The following RADIL variants were observed in gnomAD, a reference collection of about 807,000 sequenced individuals.
The protein encoded by RADIL is Rap associating with DIL domain, also known as ras-associating and dilute domain-containing protein.
Under a neutral mutation model 97.6 loss-of-function variants are expected in RADIL, and 99 were observed. The observed-to-expected ratio is 1.01, with a 90% CI of 0.86 to 1.20. The LOEUF (loss-of-function observed/expected upper bound fraction) is 1.20, where lower values mean the gene tolerates loss of function less well. RADIL is among the 50% of genes most tolerant of loss of function. RADIL has a pLI of 0.00. For missense variants in RADIL, 1,765 were observed against 1,498.9 expected, an observed-to-expected ratio of 1.18 and a Z score of -2.93; for synonymous variants, 803 against 691.8, an observed-to-expected ratio of 1.16 and a Z score of -2.52.
intron 2 of RADIL, chr7:4,858,641 T>G (rs56259867): frequency 6.6e-6 from 1 of 152,582 alleles, no homozygotes. Flanking sequence ...TAAGGAGGTA[T>G]TCTGTGGAAT....
intron 2 of RADIL, among the ~76,000 whole-genome samples, chr7:4,848,493 CAG>C (rs1783630888): frequency 6.6e-6 from 1 of 151,650 alleles, no homozygotes; most frequent in South Asian, 2.1e-4. Context: ...GGGAAGACAA[CAG>C]AGTGTTAAGG....
intron 2 of RADIL, chr7:4,838,107 G>C: frequency 1.0e-6 from 1 of 960,408 alleles, no homozygotes; most frequent in African/African-American, 1.8e-5. Context: ...GCCGCAGTGC[G>C]AGGCTGCTGG....
chr7:4,862,345 A>C (rs1030771043), intron 2 of RADIL, among the ~76,000 whole-genome samples: 4 of 151,944 alleles, frequency 2.6e-5, no homozygotes, highest in Non-Finnish European at 5.9e-5. Flanking sequence ...CGTGGTGGGA[A>C]CCCGCGGTGG....
chr7:4,800,307 T>A lies in RADIL; in HGVS notation c.2846A>T (p.Asp949Val), dbSNP rs768192157. The A allele has an allele frequency of 3.4e-6, 5 of 1,450,324 alleles. No homozygotes were observed. The highest frequency in any genetic ancestry group is 4.5e-6 in the Non-Finnish European group (5 of 1,101,940). The allele number at this position is 1,450,324 out of a possible 1,614,324, so 89.8% of individuals were successfully genotyped here. Residue 949 changes from aspartate to valine, a missense_variant, in exon 13 of 15, where the codon GAC becomes GTC. Coordinates refer to ENST00000399583, the MANE Select transcript of RADIL (RefSeq NM_018059.5). The part of the protein sequence containing the change: ...SGLRGAAPEG[D>V]SAALAEESPP... ...GGACTCCTCCGCAAGGGCTGCAGAGTCTCCTGGGTGGGGGCCAGGAAAGGT... is the reference window on the plus strand; with the variant it reads ...GGACTCCTCCGCAAGGGCTGCAGAGACTCCTGGGTGGGGGCCAGGAAAGGT...
intron 12 of RADIL, among the ~76,000 whole-genome samples, 166 bp from the exon 13 acceptor site, chr7:4,800,476 T>C (rs747271786): frequency 1.3e-5 from 2 of 152,010 alleles, no homozygotes; most frequent in Non-Finnish European, 2.9e-5. Context: ...ACCCAGACAT[T>C]AGGGTCGGGG....
At chr7:4,861,948 C>A in intron 2 of RADIL, 1 of 487,088 alleles carries the variant, frequency 2.1e-6, no homozygotes, top group Non-Finnish European at 3.5e-6. Flanking sequence ...TCCCGCTGCG[C>A]GCCCGCCGCT....
chr7:4,861,052 T>C lies in RADIL; in HGVS notation c.535+16553A>G, dbSNP rs145411847. The stretch of plus-strand genomic sequence containing the variant: ...GATAAAGCTGACAAGTTCTTGCTAC[T>C]AGCATGGCCCAGGAAACACCTCCGA... On this transcript the variant is annotated intron_variant, in intron 2 of 14. Transcript: ENST00000399583. 8.0e-4 allele frequency: 1,294 copies of C among 1,614,204 alleles called. 11 individuals are homozygous for C. In the African/African-American group the frequency reaches 0.014, roughly 17 times the overall value.
At chr7:4,876,723 C>G (rs544527841) in intron 2 of RADIL, among the ~76,000 whole-genome samples, 2 of 152,364 alleles carry the variant, frequency 1.3e-5, no homozygotes, top group African/African-American at 4.8e-5. Flanking sequence ...AGGCACTCAA[C>G]GCCACCCGTG....
At chr7:4,808,645 C>G in intron 9 of RADIL, 1 of 952,204 alleles carries the variant, frequency 1.1e-6, no homozygotes, top group Non-Finnish European at 1.3e-6. Flanking sequence ...CTCCTTCCAA[C>G]GCCACTGCCC....
In RADIL at chr7:4,878,026, G is replaced by A. The variant is rs545763051; in HGVS notation, c.114C>T (p.Asp38=). ...CCAGGCTGGAGAAGGTGGAGTCCAG[G>A]TCCCGGTACTTGTAGCTCAGCGTCC... is the stretch of plus-strand genomic sequence containing the variant. ...LSRTLSYKYR[D]LDSTFSSLGA... is the part of the protein sequence containing the mutation. Residue 38 remains aspartate (D), a synonymous_variant, in exon 2 of 15, where the codon GAC becomes GAT. Transcript: ENST00000399583. This position sits in a 1 kb window ranked among gnomAD's most constrained non-coding sequence, Gnocchi z 4.1. 1.9e-4 allele frequency: 310 copies of A among 1,609,960 alleles called. 10 individuals are homozygous for A. The highest frequency in any genetic ancestry group is 1.4e-3 in the South Asian group (124 of 90,436).
rs745905356 is a variant in RADIL, at chr7:4,821,991, G to A, written c.1615+403C>T. 2.6e-5 allele frequency among the ~76,000 whole-genome samples: 4 copies of A among 151,978 alleles called. No homozygotes were observed. The highest frequency in any genetic ancestry group is 6.6e-5 in the Admixed American group (1 of 15,256). On this transcript the variant is annotated intron_variant, in intron 6 of 14. Transcript: ENST00000399583. The surrounding 1 kb of genome is among the most constrained non-coding windows in gnomAD (Gnocchi z 5.2). ...AACGGTGTGTCTCAGAACGGGCGGCGGTCTCATGGCCGACGCTCTCTCTAC... is the reference window on the plus strand; with the variant it reads ...AACGGTGTGTCTCAGAACGGGCGGCAGTCTCATGGCCGACGCTCTCTCTAC...
intron 2 of RADIL, among the ~76,000 whole-genome samples, chr7:4,862,929 A>T (rs949312860): frequency 6.6e-6 from 1 of 151,928 alleles, no homozygotes; most frequent in South Asian, 2.1e-4. Context: ...AATAAAAATA[A>T]AAAATAAAAA....
chr7:4,851,832 G>A (rs1173719610), intron 2 of RADIL, among the ~76,000 whole-genome samples: 1 of 152,216 alleles, frequency 6.6e-6, no homozygotes, highest in Non-Finnish European at 1.5e-5. Flanking sequence ...AGTCAGAAAT[G>A]GCTTCTGATG....
At chr7:4,856,325 A>G (rs6976625) in intron 2 of RADIL, among the ~76,000 whole-genome samples, 69,451 of 151,770 alleles carry the variant, frequency 0.46, 17,297 homozygotes, top group African/African-American at 0.65. Context: ...GCCCAGGCTG[A>G]TCTCGAACTC....
intron 2 of RADIL, chr7:4,861,183 C>G (rs1210019378): frequency 6.2e-7 from 1 of 1,614,246 alleles, no homozygotes; most frequent in Non-Finnish European, 8.5e-7. Context: ...TGTAAAATTT[C>G]ATCGGTTACC....
intron 5 of RADIL, among the ~76,000 whole-genome samples, chr7:4,829,270 G>T (rs1783076721): frequency 6.6e-6 from 1 of 152,224 alleles, no homozygotes; most frequent in Non-Finnish European, 1.5e-5. Context: ...CTGGGAGGCA[G>T]AGCCTGGGTC....
At position 4,854,218 on chromosome 7, in the gene RADIL, G is replaced by A. The variant is rs1244381835; in HGVS notation, c.536-17613C>T. 6.6e-6 allele frequency among the ~76,000 whole-genome samples: 1 copy of A among 152,154 alleles called. No individual in the cohort carries two copies. The highest frequency in any genetic ancestry group is 6.5e-5 in the Admixed American group (1 of 15,276). ...GAAAAAGCCTGGTCCCTGGTGACCAGGAAAGCCACCGTTACCAGCCCCGAA... is the reference window on the plus strand; with the variant it reads ...GAAAAAGCCTGGTCCCTGGTGACCAAGAAAGCCACCGTTACCAGCCCCGAA... On this transcript the variant is annotated intron_variant, in intron 2 of 14. Coordinates refer to ENST00000399583, the MANE Select transcript of RADIL (RefSeq NM_018059.5). This position sits in a 1 kb window ranked among gnomAD's most constrained non-coding sequence, Gnocchi z 5.1.
intron 2 of RADIL, among the ~76,000 whole-genome samples, chr7:4,838,640 G>A (rs1209766345): frequency 6.6e-6 from 1 of 152,206 alleles, no homozygotes; most frequent in East Asian, 1.9e-4. Context: ...CACTCCCAGG[G>A]TCTCCTTCCT....
chr7:4,844,203 T>C (rs1583301511), intron 2 of RADIL, among the ~76,000 whole-genome samples: 1 of 152,046 alleles, frequency 6.6e-6, no homozygotes. Flanking sequence ...TCCCAGCACT[T>C]TGGAGGCCGA....
Sources: allele counts gnomAD v4.1 joint callset (sites outside exome capture counted in the v4.1 genomes callset), GRCh38; gene constraint gnomAD v4.1.1; non-coding constraint Gnocchi (gnomAD v3.1); transcripts MANE v1.5; gene names NCBI Gene and HGNC (gene_info 2026-07-23, HGNC 2026-07-21).